MSL1: variants seen among roughly 807,000 people sequenced by gnomAD.
MSL1 encodes the protein MSL complex subunit 1, also known as male-specific lethal 1 homolog.
In MSL1, 21 loss-of-function variants were observed where a neutral mutation model predicts 64.6. The ratio of observed to expected loss-of-function variants is 0.33; its 90% confidence interval spans 0.23 to 0.47. The LOEUF is 0.47. MSL1 is among the 20% of genes least tolerant of loss of function. MSL1 has a pLI of 1.00. For missense variants in MSL1, 664 were observed against 793.2 expected (o/e 0.84, Z 1.96); for synonymous variants, 339 against 329.6 (o/e 1.03, Z -0.31).
rs1448059586 is a variant in MSL1 at position 40,131,572 on chromosome 17, T to A, written c.1411T>A (p.Ser471Thr). 6.2e-7 allele frequency: 1 copy of A among 1,613,850 alleles called. No individual in the cohort carries two copies. Among genetic ancestry groups the A allele is most frequent in the East Asian group, 2.2e-5 (1 of 44,884 alleles). The change falls in exon 4 of 9, where the codon TCA becomes ACA. Residue 471 changes from serine to threonine, a missense_variant. Physicochemically the swap from Ser to Thr is moderately conservative, Grantham distance 58. Coordinates refer to ENST00000398532, the MANE Select transcript of MSL1 (RefSeq NM_001365919.1). The surrounding 1 kb of genome is among the most constrained non-coding windows in gnomAD (Gnocchi z 4.5). The stretch of plus-strand genomic sequence containing the variant: ...GCCATCAAGTGTTGCAGGAGAAACT[T>A]CAGTCTTGGCTGGTGAGTAGAATAG... ...LMPSSVAGET[S>T]VLAVPSWRDH...
intron 1 of MSL1, chr17:40,124,508 C>T (rs1988270786): frequency 6.6e-6 from 1 of 152,170 alleles, no homozygotes; most frequent in Non-Finnish European, 1.5e-5. Context: ...TGAATCTCAT[C>T]GGGTGGCTGT....
intron 6 of MSL1, 32 bp from the exon 7 acceptor site, chr17:40,133,502 T>C: frequency 6.3e-7 from 1 of 1,592,692 alleles, no homozygotes. Flanking sequence ...TAATGTTGGG[T>C]TTCTTTGTTT....
chr17:40,125,342 A>C (rs1437624753), intron 1 of MSL1, among the ~76,000 whole-genome samples: 1 of 152,188 alleles, frequency 6.6e-6, no homozygotes, highest in African/African-American at 2.4e-5. Flanking sequence ...TGAAATGTTC[A>C]TTGTTTTAAA....
At position 40,126,163 on chromosome 17, in the gene MSL1, T is replaced by C. The variant is rs768073605; in HGVS notation, c.769-20T>C. On this transcript the variant is annotated intron_variant, in intron 1 of 8. Transcript: ENST00000398532. ...AATTTTTTATGTGTTAAGTCTGCAT[T>C]TTGCTACTCTCTCTTTTAGCTCCTT... 7.4e-6 allele frequency: 12 copies of C among 1,610,744 alleles called. No homozygotes were observed. The East Asian group carries it at 1.1e-4, about 15-fold the overall frequency.
At position 40,136,575 on chromosome 17, in the gene MSL1, T is replaced by C. The variant is rs1055406053; in HGVS notation, c.*2206T>C. ...AAGGCCCTGCAGTTCTCCTAAAACATAGTTGTTTGTTTTTCTTTAACAAAG... is the reference window on the plus strand; with the variant it reads ...AAGGCCCTGCAGTTCTCCTAAAACACAGTTGTTTGTTTTTCTTTAACAAAG... On this transcript the variant is annotated 3_prime_UTR_variant, in exon 9 of 9. Transcript: ENST00000398532. 1.3e-5 allele frequency: 2 copies of C among 152,352 alleles called. No individual in the cohort carries two copies. Among genetic ancestry groups the C allele is most frequent in the South Asian group, 4.1e-4 (2 of 4,834 alleles). 9.4% of individuals were successfully genotyped at this position (152,352 alleles called of 1,614,324 possible).
chr17:40,133,216 C>A, intron 6 of MSL1, 107 bp downstream of exon 6: 2 of 994,494 alleles, frequency 2.0e-6, no homozygotes, highest in Admixed American at 2.5e-5. Context: ...TCTTGGAGTG[C>A]TTAACACTCT....
chr17:40,133,909 C>G lies in MSL1; in HGVS notation c.1754+10C>G. The G allele has an allele frequency of 6.2e-7, 1 of 1,610,430 alleles. No individual in the cohort carries two copies. Reference sequence around the variant, plus strand: ...CAAAATTAACTCCACAGTAAGTATACATTTTTTTTCTCCCCTTCCAGGTAA... The same window carrying G: ...CAAAATTAACTCCACAGTAAGTATAGATTTTTTTTCTCCCCTTCCAGGTAA... On this transcript the variant is annotated intron_variant, in intron 8 of 8. Transcript: ENST00000398532.
At chr17:40,133,463 C>G (rs1988480663) in intron 6 of MSL1, 71 bp from the exon 7 acceptor site, 10 of 1,536,344 alleles carry the variant, frequency 6.5e-6, no homozygotes, top group Non-Finnish European at 8.7e-6. Flanking sequence ...GTGTGAGTTG[C>G]TTTTATAGAG....
In MSL1 at chr17:40,122,995, G is replaced by T; in HGVS notation, c.383G>T (p.Arg128Leu). Reference protein sequence around the residue: ...PAAAGAGCSPRPKYQAVLPIQ... With the variant: ...PAAAGAGCSPLPKYQAVLPIQ... ...GCAGCCGGAGCCGGCTGCAGCCCCC[G>T]GCCCAAGTATCAGGCGGTGCTGCCC... is the stretch of plus-strand genomic sequence containing the variant. The change falls in exon 1 of 9, where the codon CGG becomes CTG. Residue 128 changes from arginine to leucine, a missense_variant. This residue lies in a region of MSL1 where 466 missense variants were observed against 499.0 expected (regional missense o/e 0.93). Coordinates refer to ENST00000398532, the MANE Select transcript of MSL1 (RefSeq NM_001365919.1). This position sits in a 1 kb window ranked among gnomAD's most constrained non-coding sequence, Gnocchi z 4.2. The T allele has an allele frequency of 6.5e-7, 1 of 1,529,022 alleles. No individual in the cohort carries two copies. The allele number at this position is 1,529,022 out of a possible 1,614,324, so 94.7% of individuals were successfully genotyped here.
chr17:40,122,797 C>T lies in MSL1; in HGVS notation c.185C>T (p.Ser62Phe). 5 of 1,373,902 alleles carry T rather than the reference C, an allele frequency of 3.6e-6. No individual in the cohort carries two copies. In the African/African-American group the frequency reaches 7.7e-5, roughly 21 times the overall value. The allele number at this position is 1,373,902 out of a possible 1,614,324, so 85.1% of individuals were successfully genotyped here. Residue 62 changes from serine (S) to phenylalanine (F), a missense_variant, in exon 1 of 9, where the codon TCC becomes TTC. Ser to Phe is a radical substitution (Grantham distance 155). Transcript: ENST00000398532. The surrounding 1 kb of genome is among the most constrained non-coding windows in gnomAD (Gnocchi z 4.2). ...LKEPGPPLAS[S>F]QGGSPAPSPA... is the part of the protein sequence containing the mutation. ...GAGCCGGGGCCCCCGCTGGCCTCCT[C>T]CCAGGGCGGGAGCCCCGCGCCTTCC... is the stretch of plus-strand genomic sequence containing the variant.
chr17:40,135,798 T>C lies in MSL1; in HGVS notation c.*1429T>C, dbSNP rs1988528258. ...TTAAAGGAATTATTCTGGCAGCACA[T>C]GTAGTATTCTTGGATGATCTTGCTG... On this transcript the variant is annotated 3_prime_UTR_variant, in exon 9 of 9. Transcript: ENST00000398532. The C allele has an allele frequency of 6.6e-6, 1 of 152,282 alleles. No homozygotes were observed. The highest frequency in any genetic ancestry group is 1.5e-5 in the Non-Finnish European group (1 of 68,030). The allele number at this position is 152,282 out of a possible 1,614,324, so 9.4% of individuals were successfully genotyped here.
rs572897969 is a variant in MSL1, at chr17:40,136,816, A to G, written c.*2447A>G. ...TTTTGAACTTCTGCTTCAATTTATT[A>G]TATTTATTGGCAAACAAACAATTCT... On this transcript the variant is annotated 3_prime_UTR_variant, in exon 9 of 9. Transcript: ENST00000398532. 20 of 152,504 alleles carry G rather than the reference A, an allele frequency of 1.3e-4. No homozygotes were observed. Among genetic ancestry groups the G allele is most frequent in the Middle Eastern group, 3.4e-3 (1 of 294 alleles). The allele number at this position is 152,504 out of a possible 1,614,324, so 9.4% of individuals were successfully genotyped here.
Position 40,133,660 on chromosome 17 carries a change from T to A in MSL1, c.1681+2T>A. ...CATTTTTCCCTGAGCCAGATGATGG[T>A]AAGTTGTGTCCATCTAAAAGAGTAG... On this transcript the variant is annotated splice_donor_variant, in intron 7 of 8. Coordinates refer to ENST00000398532, the MANE Select transcript of MSL1 (RefSeq NM_001365919.1). LOFTEE classifies it high-confidence loss of function. 6.2e-7 allele frequency: 1 copy of A among 1,613,648 alleles called. No individual in the cohort carries two copies. The highest frequency in any genetic ancestry group is 8.5e-7 in the Non-Finnish European group (1 of 1,179,764).
intron 5 of MSL1, among the ~76,000 whole-genome samples, chr17:40,132,498 C>CGGG (rs200562248): frequency 0.016 from 2,384 of 151,894 alleles, 29 homozygotes; most frequent in Non-Finnish European, 0.024. Flanking sequence ...ATTAGCCGGG[C>CGGG]GTGGTGGCGC....
Position 40,123,143 on chromosome 17 carries a change from G to A in MSL1, c.531G>A (p.Leu177=). Residue 177 remains leucine, a synonymous_variant, in exon 1 of 9, where the codon CTG becomes CTA. Coordinates refer to ENST00000398532, the MANE Select transcript of MSL1 (RefSeq NM_001365919.1). ...CGGCGGGACCCCCACCACTACCTCT[G>A]CCCGGGCCGCCACCCCTCGCGCCCA... is the stretch of plus-strand genomic sequence containing the variant. The part of the protein sequence containing the change: ...SDPAGPPPLP[L]PGPPPLAPTA... 6.5e-7 allele frequency: 1 copy of A among 1,533,670 alleles called. No homozygotes were observed.
rs1324840743 is a variant in MSL1 at position 40,123,161 on chromosome 17, C to T, written c.549C>T (p.Leu183=). The T allele has an allele frequency of 6.5e-7, 1 of 1,534,300 alleles. No homozygotes were observed. The highest frequency in any genetic ancestry group is 1.7e-4 in the Middle Eastern group (1 of 5,820). The change falls in exon 1 of 9, where the codon CTC becomes CTT. Residue 183 remains leucine, a synonymous_variant. Transcript: ENST00000398532. ...TACCTCTGCCCGGGCCGCCACCCCT[C>T]GCGCCCACCGCCACCGCCGGGACCC... ...PPLPLPGPPP[L]APTATAGTLA...
In MSL1 at chr17:40,123,194, C is replaced by T; in HGVS notation, c.582C>T (p.Ala194=). 2 of 1,535,440 alleles carry T rather than the reference C, an allele frequency of 1.3e-6. No individual in the cohort carries two copies. The highest frequency in any genetic ancestry group is 1.7e-6 in the Non-Finnish European group (2 of 1,146,770). The part of the protein sequence containing the change: ...APTATAGTLA[A]SEGRWKSMRK... ...CCGCCACCGCCGGGACCCTGGCGGC[C>T]AGCGAGGGCAGATGGAAGAGTATGA... The change falls in exon 1 of 9, where the codon GCC becomes GCT. Residue 194 remains alanine, a synonymous_variant. Transcript: ENST00000398532.
At chr17:40,132,988 T>C in intron 5 of MSL1, 54 bp from the exon 6 acceptor site, 1 of 1,485,638 alleles carries the variant, frequency 6.7e-7, no homozygotes, top group Non-Finnish European at 9.3e-7. Context: ...TTAGTATATG[T>C]GTGTAACTAA....
chr17:40,128,797 G>C (rs927477914), intron 2 of MSL1, among the ~76,000 whole-genome samples: 1 of 151,922 alleles, frequency 6.6e-6, no homozygotes, highest in African/African-American at 2.4e-5. Flanking sequence ...GATCACCTGA[G>C]GTCAGGTATT....
Sources: gnomAD v4.1 joint callset for allele counts (sites outside exome capture counted in the v4.1 genomes callset) on GRCh38, gnomAD v4.1.1 for gene constraint, gnomAD v4.1.1 regional missense constraint, Gnocchi (gnomAD v3.1) non-coding constraint, MANE v1.5 for transcripts, NCBI Gene and HGNC (gene_info 2026-07-23, HGNC 2026-07-21) for gene names.